Variants in MRPS35 observed in about 807,000 individuals in gnomAD.
MRPS35 encodes mitochondrial ribosomal protein S35, also known as small ribosomal subunit protein mS35.
MRPS35 carries 29 observed loss-of-function variants against 32.7 expected under a neutral mutation model. That is an observed-to-expected ratio of 0.89 (90% CI 0.66 to 1.21). The LOEUF (loss-of-function observed/expected upper bound fraction) is 1.21, where lower values mean the gene tolerates loss of function less well. MRPS35 is among the 50% of genes most tolerant of loss of function. MRPS35 has a pLI of 0.00. For missense variants in MRPS35, 373 were observed against 383.8 expected (o/e 0.97, Z 0.23); for synonymous variants, 148 against 139.3 (o/e 1.06, Z -0.44).
intron 5 of MRPS35, among the ~76,000 whole-genome samples, chr12:27,730,169 T>C (rs1370314813): frequency 6.6e-6 from 1 of 152,174 alleles, no homozygotes; most frequent in Admixed American, 6.5e-5. Flanking sequence ...GTCCCTACTT[T>C]GTTCAGATTA....
At chr12:27,734,303 C>T (rs1027699047) in intron 5 of MRPS35, among the ~76,000 whole-genome samples, 19 of 147,828 alleles carry the variant, frequency 1.3e-4, no homozygotes, top group African/African-American at 4.5e-4. Context: ...AGTGCAATGG[C>T]GCGATTTCAG....
At chr12:27,725,991 G>A (rs1267760814) in intron 5 of MRPS35, among the ~76,000 whole-genome samples, 1 of 151,382 alleles carries the variant, frequency 6.6e-6, no homozygotes, top group African/African-American at 2.4e-5. Context: ...TTGAATTTTT[G>A]TAGAGACAGG....
chr12:27,710,878 T>C lies in MRPS35; in HGVS notation c.35T>C (p.Leu12Pro), dbSNP rs544756059. The C allele has an allele frequency of 6.2e-6, 10 of 1,611,690 alleles. No homozygotes were observed. The highest frequency in any genetic ancestry group is 7.6e-6 in the Non-Finnish European group (9 of 1,179,882). The change falls in exon 1 of 8, where the codon CTG (leucine) becomes CCG (proline). Residue 12 changes from leucine (L) to proline (P), a missense_variant. Physicochemically the swap from Leu to Pro is moderately conservative, Grantham distance 98. Coordinates refer to ENST00000081029, the MANE Select transcript of MRPS35 (RefSeq NM_021821.4). ...GCCGCGCTCCCAGCATGGCTGTCTC[T>C]GCAGTCGAGGGCAAGGACTCTGCGT... ...AAAALPAWLS[L>P]QSRARTLRAF... is the part of the protein sequence containing the mutation.
intron 4 of MRPS35, among the ~76,000 whole-genome samples, chr12:27,723,323 G>T (rs1010813852): frequency 6.6e-6 from 1 of 151,278 alleles, no homozygotes; most frequent in African/African-American, 2.4e-5. Context: ...TCTGTGTTAT[G>T]AAGATAGAGA....
At chr12:27,724,253 TTGG>T in intron 5 of MRPS35, 67 bp downstream of exon 5, 1 of 1,363,270 alleles carries the variant, frequency 7.3e-7, no homozygotes, top group Non-Finnish European at 9.6e-7. Context: ...AAAGATGTCT[TTGG>T]TGGCTGGCAC....
chr12:27,755,388 GA>G lies in MRPS35; in HGVS notation c.914del (p.Asn305MetfsTer12). 6.3e-7 allele frequency: 1 copy of G among 1,599,302 alleles called. No homozygotes were observed. The highest frequency in any genetic ancestry group is 1.8e-5 in the Admixed American group (1 of 56,440). ...TGTTGTTAGTCTTAAAAATGAGGAGGAAAATGAAAATTCCATTTCTCAGTAC... is the reference window on the plus strand; with the variant it reads ...TGTTGTTAGTCTTAAAAATGAGGAGGAAATGAAAATTCCATTTCTCAGTAC... The part of the protein sequence containing the change: ...KSVVSLKNEE[E>X]NENSISQYKE... On this transcript the variant is annotated frameshift_variant, in exon 8 of 8. Coordinates refer to ENST00000081029, the MANE Select transcript of MRPS35 (RefSeq NM_021821.4). LOFTEE classifies it high-confidence loss of function.
At position 27,755,611 on chromosome 12, in the gene MRPS35, G is replaced by GT. The variant is rs2062023365; in HGVS notation, c.*167dup. The GT allele has an allele frequency of 5.1e-6, 3 of 589,196 alleles. No individual in the cohort carries two copies. Among genetic ancestry groups the GT allele is most frequent in the South Asian group, 4.1e-5 (1 of 24,488 alleles). The allele number at this position is 589,196 out of a possible 1,614,324, so 36.5% of individuals were successfully genotyped here. A position where few individuals can be genotyped will look rare whatever the true frequency, so the allele number is the denominator to read the frequency against. On this transcript the variant is annotated 3_prime_UTR_variant, in exon 8 of 8. Transcript: ENST00000081029. ...GCTTAATGGCAATGATTACTCCAGA[G>GT]TTTTTTAATTTTTACACTGGGGCAA...
chr12:27,724,536 A>G (rs1565466166), intron 5 of MRPS35, among the ~76,000 whole-genome samples: 1 of 152,194 alleles, frequency 6.6e-6, no homozygotes, highest in Non-Finnish European at 1.5e-5. Context: ...TGAGGTCAGG[A>G]GTTCAAGACC....
intron 7 of MRPS35, among the ~76,000 whole-genome samples, chr12:27,751,595 T>G (rs2062003913): frequency 6.6e-6 from 1 of 152,190 alleles, no homozygotes; most frequent in African/African-American, 2.4e-5. Flanking sequence ...CTCCCCTGCC[T>G]TCAGGGTCAG....
intron 4 of MRPS35, 123 bp from the exon 5 acceptor site, chr12:27,723,924 A>C: frequency 1.1e-6 from 1 of 930,330 alleles, no homozygotes; most frequent in Non-Finnish European, 1.6e-6. Context: ...AAAGTGCAGA[A>C]GAGAATCTGT....
chr12:27,750,082 T>C (rs1346442215), intron 7 of MRPS35, among the ~76,000 whole-genome samples: 6 of 152,212 alleles, frequency 3.9e-5, no homozygotes, highest in African/African-American at 1.2e-4. Flanking sequence ...GTGACAAACA[T>C]GTGACCTGAA....
At chr12:27,714,203 TG>T (rs1272934072) in intron 1 of MRPS35, among the ~76,000 whole-genome samples, 1 of 152,186 alleles carries the variant, frequency 6.6e-6, no homozygotes. Context: ...TGAAATTATT[TG>T]TTAAAAAGTT....
intron 7 of MRPS35, among the ~76,000 whole-genome samples, chr12:27,750,330 T>C (rs1415115994): frequency 2.0e-5 from 3 of 152,258 alleles, no homozygotes; most frequent in African/African-American, 7.2e-5. Context: ...TTCTTATCTA[T>C]GTAATTCTTA....
rs2061889172 is a variant in MRPS35 at position 27,724,122 on chromosome 12, G to A, written c.458G>A (p.Ser153Asn). 14 of 1,613,370 alleles carry A rather than the reference G, an allele frequency of 8.7e-6. No homozygotes were observed. The highest frequency in any genetic ancestry group is 1.2e-5 in the Non-Finnish European group (14 of 1,179,746). Residue 153 changes from serine to asparagine, a missense_variant, in exon 5 of 8, where the codon AGC (serine) becomes AAC (asparagine). Physicochemically the swap from Ser to Asn is conservative, Grantham distance 46. Coordinates refer to ENST00000081029, the MANE Select transcript of MRPS35 (RefSeq NM_021821.4). ...AAGCATTTTCCAATTGAAATTGACA[G>A]CACTGATTATGTTTCATCAGGACCA... ...CEKHFPIEID[S>N]TDYVSSGPSV...
At chr12:27,734,214 T>A (rs1056664736) in intron 5 of MRPS35, among the ~76,000 whole-genome samples, 1 of 151,976 alleles carries the variant, frequency 6.6e-6, no homozygotes, top group African/African-American at 2.4e-5. Context: ...TATTTAACTG[T>A]ATTCTGGTGT....
At chr12:27,745,161 T>C (rs560643736) in intron 7 of MRPS35, among the ~76,000 whole-genome samples, 4 of 152,178 alleles carry the variant, frequency 2.6e-5, no homozygotes, top group Middle Eastern at 6.8e-3. Flanking sequence ...GTCTTTTTTC[T>C]TTTTTTTAAC....
At chr12:27,748,801 C>CA (rs931668958) in intron 7 of MRPS35, among the ~76,000 whole-genome samples, 31 of 150,650 alleles carry the variant, frequency 2.1e-4, no homozygotes, top group Admixed American at 3.3e-4. Flanking sequence ...CTTCTGGCTA[C>CA]AAAAAAAAAC....
At chr12:27,727,362 T>C (rs2061904655) in intron 5 of MRPS35, among the ~76,000 whole-genome samples, 1 of 152,146 alleles carries the variant, frequency 6.6e-6, no homozygotes, top group Non-Finnish European at 1.5e-5. Context: ...CAAGAGATTA[T>C]AATACTGTAT....
intron 5 of MRPS35, among the ~76,000 whole-genome samples, chr12:27,732,499 G>A (rs920650875): frequency 5.3e-5 from 8 of 152,174 alleles, no homozygotes; most frequent in African/African-American, 1.9e-4. Context: ...TTGAGGCTCA[G>A]TGGTGGTGTC....
Sources: allele counts gnomAD v4.1 joint callset (sites outside exome capture counted in the v4.1 genomes callset), GRCh38; gene constraint gnomAD v4.1.1; transcripts MANE v1.5; gene names NCBI Gene and HGNC (gene_info 2026-07-23, HGNC 2026-07-21).